The following CDH13 variants were observed in gnomAD, a reference collection of about 807,000 sequenced individuals.
The protein encoded by CDH13 is cadherin 13.
In CDH13, 24 loss-of-function variants were observed where a neutral mutation model predicts 63.8. The observed-to-expected ratio is 0.38, with a 90% confidence interval of 0.27 to 0.53. The LOEUF is 0.53. CDH13 is among the 20% of genes least tolerant of loss of function. The pLI, the probability that CDH13 is intolerant of heterozygous loss-of-function variation, is 0.85. For missense variants in CDH13, 1,049 were observed against 903.1 expected (o/e 1.16, Z -2.07); for synonymous variants, 503 against 355.3 (o/e 1.42, Z -4.67).
rs146549102 is a variant in CDH13, at chr16:82,632,319, T to A, written c.45+5182T>A. On this transcript the variant is annotated intron_variant, in intron 1 of 13. Coordinates refer to ENST00000567109, the MANE Select transcript of CDH13 (RefSeq NM_001257.5). ...GTTTATTTCTCAGTGATGGACTATT[T>A]GGAAAGGGAGGGACTGGCCTTTTCT... Among the ~76,000 whole-genome samples, 265 of 152,328 alleles carry A rather than the reference T, an allele frequency of 1.7e-3. 1 individual carries two copies. Among genetic ancestry groups the A allele is most frequent in the African/African-American group, 6.3e-3 (261 of 41,566 alleles).
At chr16:82,791,721 A>G (rs1161789894) in intron 1 of CDH13, among the ~76,000 whole-genome samples, 1 of 152,168 alleles carries the variant, frequency 6.6e-6, no homozygotes, top group African/African-American at 2.4e-5. Flanking sequence ...ACTGGGCTAA[A>G]GGCTTGCCAT....
At chr16:83,654,432 A>C (rs1291785922) in intron 8 of CDH13, among the ~76,000 whole-genome samples, 4 of 151,996 alleles carry the variant, frequency 2.6e-5, no homozygotes, top group Non-Finnish European at 5.9e-5. Flanking sequence ...GGAGACCAGG[A>C]TGGGCAGAGG....
At chr16:82,836,531 T>C (rs1383905471) in intron 1 of CDH13, among the ~76,000 whole-genome samples, 1 of 152,144 alleles carries the variant, frequency 6.6e-6, no homozygotes, top group African/African-American at 2.4e-5. Flanking sequence ...GGTGTATGTA[T>C]CCCACTTTGA....
intron 2 of CDH13, among the ~76,000 whole-genome samples, chr16:82,903,608 A>C (rs1466806387): frequency 6.6e-6 from 1 of 152,170 alleles, no homozygotes; most frequent in East Asian, 1.9e-4. Context: ...TCGTGAGCTA[A>C]CTGGAAAATG....
chr16:83,263,159 C>T (rs557924733), intron 5 of CDH13, among the ~76,000 whole-genome samples: 1 of 152,298 alleles, frequency 6.6e-6, no homozygotes, highest in South Asian at 2.1e-4. Context: ...TCGAGCTCAT[C>T]GCAAGACCTA....
At chr16:83,705,439 G>A (rs1181364173) in intron 10 of CDH13, among the ~76,000 whole-genome samples, 1 of 152,090 alleles carries the variant, frequency 6.6e-6, no homozygotes, top group East Asian at 1.9e-4. Flanking sequence ...TGGCTAACAC[G>A]GTGAAATCCT....
At chr16:83,003,968 G>A (rs1021757725) in intron 2 of CDH13, among the ~76,000 whole-genome samples, 110 of 152,206 alleles carry the variant, frequency 7.2e-4, no homozygotes, top group African/African-American at 2.4e-3. Context: ...CTTCCTTATC[G>A]TATTAACAAA....
chr16:82,749,221 G>T (rs559061019), intron 1 of CDH13, among the ~76,000 whole-genome samples: 1 of 152,030 alleles, frequency 6.6e-6, no homozygotes, highest in South Asian at 2.1e-4. Context: ...CAGACCTTAC[G>T]GTGTTATTCA....
At chr16:83,220,302 G>A (rs1055148509) in intron 5 of CDH13, among the ~76,000 whole-genome samples, 4 of 152,194 alleles carry the variant, frequency 2.6e-5, no homozygotes, top group Non-Finnish European at 5.9e-5. Context: ...TTACTCTCAT[G>A]TTGGTCTACT....
intron 7 of CDH13, among the ~76,000 whole-genome samples, chr16:83,557,406 A>T (rs900903502): frequency 8.5e-5 from 13 of 152,216 alleles, no homozygotes; most frequent in Non-Finnish European, 1.6e-4. Flanking sequence ...GGTCCGTGGA[A>T]AAATTGCCTT....
rs538124980 is a variant in CDH13 at position 82,937,356 on chromosome 16, G to C, written c.157+78883G>C. 3.0e-4 allele frequency among the ~76,000 whole-genome samples: 45 copies of C among 151,936 alleles called. 1 individual carries two copies. In the East Asian group the frequency reaches 8.3e-3, roughly 28 times the overall value. On this transcript the variant is annotated intron_variant, in intron 2 of 13. Coordinates refer to ENST00000567109, the MANE Select transcript of CDH13 (RefSeq NM_001257.5). ...TTGGGCGAGGCAATCTTTAAATGAA[G>C]CTATTTTTTCTTTGTCTCTCTGTCC...
intron 2 of CDH13, among the ~76,000 whole-genome samples, chr16:83,010,782 CG>C (rs1319783273): frequency 6.6e-6 from 1 of 152,274 alleles, no homozygotes; most frequent in Admixed American, 6.5e-5. Flanking sequence ...AAACATCCTG[CG>C]GGGACATCTA....
chr16:83,098,342 T>TA (rs1567826936), intron 3 of CDH13, among the ~76,000 whole-genome samples: 1 of 152,224 alleles, frequency 6.6e-6, no homozygotes, highest in East Asian at 1.9e-4. Flanking sequence ...TCATAGGTTG[T>TA]AAACTCTACA....
At chr16:83,562,062 A>T (rs1275593991) in intron 7 of CDH13, among the ~76,000 whole-genome samples, 1 of 152,210 alleles carries the variant, frequency 6.6e-6, no homozygotes, top group Non-Finnish European at 1.5e-5. Flanking sequence ...TGGAGAGCTC[A>T]TGGTGATGTC....
At chr16:83,525,214 T>A (rs2074933800) in intron 7 of CDH13, among the ~76,000 whole-genome samples, 1 of 152,136 alleles carries the variant, frequency 6.6e-6, no homozygotes, top group Admixed American at 6.6e-5. Context: ...AGTACTCGGA[T>A]TGACCAGGCA....
intron 1 of CDH13, among the ~76,000 whole-genome samples, chr16:82,639,746 T>G (rs993975162): frequency 2.6e-5 from 4 of 152,242 alleles, no homozygotes; most frequent in Non-Finnish European, 5.9e-5. Context: ...TTGCCATTGA[T>G]TGAGCAAACA....
intron 3 of CDH13, among the ~76,000 whole-genome samples, chr16:83,081,806 C>CT (rs974803297): frequency 0.014 from 2,031 of 146,796 alleles, 49 homozygotes; most frequent in African/African-American, 0.046. Context: ...ACCTAATTAC[C>CT]TTTTTTTTTT....
At position 83,589,632 on chromosome 16, in the gene CDH13, C is replaced by G. The variant is rs185355886; in HGVS notation, c.961-12822C>G. ...TAGAAGATACGAGAGCTTCTAGATCCAAAAGCCTGGTGGCATTTAGAGCTC... is the reference window on the plus strand; with the variant it reads ...TAGAAGATACGAGAGCTTCTAGATCGAAAAGCCTGGTGGCATTTAGAGCTC... On this transcript the variant is annotated intron_variant, in intron 7 of 13. Transcript: ENST00000567109. 3.2e-3 allele frequency among the ~76,000 whole-genome samples: 492 copies of G among 152,162 alleles called. 5 individuals carry two copies. Among genetic ancestry groups the G allele is most frequent in the African/African-American group, 9.5e-3 (393 of 41,518 alleles).
chr16:83,018,095 G>C (rs1914978870), intron 2 of CDH13, among the ~76,000 whole-genome samples: 1 of 152,176 alleles, frequency 6.6e-6, no homozygotes, highest in African/African-American at 2.4e-5. Context: ...CTGGCCTTTG[G>C]AGTGTGGTGA....
Sources: gnomAD v4.1 joint callset for allele counts (sites outside exome capture counted in the v4.1 genomes callset) on GRCh38, gnomAD v4.1.1 for gene constraint, MANE v1.5 for transcripts, NCBI Gene and HGNC (gene_info 2026-07-23, HGNC 2026-07-21) for gene names.